The following ATP10A variants were observed in gnomAD, a reference collection of about 807,000 sequenced individuals.
ATP10A encodes phospholipid-transporting ATPase VA.
ATP10A carries 111 observed loss-of-function variants against 147.8 expected under a neutral mutation model. The ratio of observed to expected loss-of-function variants is 0.75; its 90% CI spans 0.64 to 0.88. The LOEUF is 0.88. ATP10A is among the 40% of genes least tolerant of loss of function. The pLI is 0.00. For synonymous variants in ATP10A, 875 were observed against 841.6 expected (o/e 1.04, Z -0.69); for missense variants, 1,927 against 1,959.0 (o/e 0.98, Z 0.31).
intron 1 of ATP10A, among the ~76,000 whole-genome samples, chr15:25,839,478 G>A (rs1054077740): frequency 4.8e-4 from 73 of 152,138 alleles, no homozygotes; most frequent in African/African-American, 1.6e-3. Context: ...GAGAGATGCC[G>A]TTGACCAAGA....
chr15:25,776,198 C>T (rs1889596790), intron 2 of ATP10A, among the ~76,000 whole-genome samples: 1 of 152,172 alleles, frequency 6.6e-6, no homozygotes, highest in Admixed American at 6.5e-5. Flanking sequence ...TACAAATGAA[C>T]TAGAAACTGC....
At chr15:25,796,043 C>T (rs1470819040) in intron 1 of ATP10A, among the ~76,000 whole-genome samples, 1 of 152,198 alleles carries the variant, frequency 6.6e-6, no homozygotes, top group East Asian at 1.9e-4. Flanking sequence ...GTACAGCCTG[C>T]AGAACCGTGA....
chr15:25,760,972 T>G lies in ATP10A; in HGVS notation c.654+20047A>C, dbSNP rs574287762. ...TTTGCAAAGACTTTTATATGAATTT[T>G]TATAGCACATTTATGTATCACAACC... On this transcript the variant is annotated intron_variant, in intron 2 of 20. Coordinates refer to ENST00000555815, the MANE Select transcript of ATP10A (RefSeq NM_024490.4). Among the ~76,000 whole-genome samples, 36 of 152,356 alleles carry G rather than the reference T, an allele frequency of 2.4e-4. 1 individual carries two copies. The South Asian group carries it at 5.2e-3, about 22-fold the overall frequency.
chr15:25,760,734 AC>A (rs1173462229), intron 2 of ATP10A, among the ~76,000 whole-genome samples: 1 of 152,156 alleles, frequency 6.6e-6, no homozygotes, highest in Non-Finnish European at 1.5e-5. Flanking sequence ...TAATGTCAGC[AC>A]TTTGGGAGAC....
chr15:25,817,143 T>C (rs983417453), intron 1 of ATP10A, among the ~76,000 whole-genome samples: 1 of 152,116 alleles, frequency 6.6e-6, no homozygotes, highest in Admixed American at 6.5e-5. Context: ...AGTACAATGG[T>C]GCAATCTTGG....
intron 1 of ATP10A, among the ~76,000 whole-genome samples, chr15:25,792,900 T>A (rs1449326837): frequency 7.1e-6 from 1 of 139,892 alleles, no homozygotes; most frequent in Non-Finnish European, 1.5e-5. Flanking sequence ...GATGGAGTTT[T>A]GCTCTCGTTC....
rs146281126 is a variant in ATP10A at position 25,756,809 on chromosome 15, T to A, written c.655-20668A>T. Among the ~76,000 whole-genome samples the A allele has an allele frequency of 1.1e-3, 161 of 152,322 alleles. 1 individual carries two copies. The East Asian group carries it at 0.014, about 14-fold the overall frequency. On this transcript the variant is annotated intron_variant, in intron 2 of 20. Coordinates refer to ENST00000555815, the MANE Select transcript of ATP10A (RefSeq NM_024490.4). ...TGCTGGTTTAATGAAAACAGTTGGG[T>A]CTTCTCATCAGCAAAATACCTGTGT...
intron 12 of ATP10A, among the ~76,000 whole-genome samples, chr15:25,705,797 G>A (rs762593288): frequency 3.3e-5 from 5 of 152,254 alleles, no homozygotes; most frequent in Non-Finnish European, 7.3e-5. Flanking sequence ...GGCGACGTGA[G>A]ATTCCTGAAC....
intron 2 of ATP10A, among the ~76,000 whole-genome samples, chr15:25,768,943 G>C (rs1204790810): frequency 6.6e-6 from 1 of 152,108 alleles, no homozygotes; most frequent in Non-Finnish European, 1.5e-5. Context: ...TGTCTTCCTT[G>C]AAGGAAATGC....
intron 2 of ATP10A, among the ~76,000 whole-genome samples, chr15:25,759,006 A>G (rs1157880353): frequency 6.6e-6 from 1 of 152,230 alleles, no homozygotes; most frequent in African/African-American, 2.4e-5. Flanking sequence ...CATTGGAAGT[A>G]GTTTAGCCTG....
chr15:25,675,803 G>A (rs951439909), downstream of ATP10A, among the ~76,000 whole-genome samples: 6 of 152,126 alleles, frequency 3.9e-5, no homozygotes, highest in Non-Finnish European at 5.9e-5. Flanking sequence ...AAAATTAGCC[G>A]GGCATGGTGG....
chr15:25,715,089 A>C (rs1901710840), intron 9 of ATP10A, among the ~76,000 whole-genome samples: 1 of 152,186 alleles, frequency 6.6e-6, no homozygotes, highest in Admixed American at 6.5e-5. Context: ...ATGTCAAAAC[A>C]ACCAAAATAC....
At chr15:25,830,497 CTTT>C in intron 1 of ATP10A, among the ~76,000 whole-genome samples, 1 of 152,324 alleles carries the variant, frequency 6.6e-6, no homozygotes, top group South Asian at 2.1e-4. Context: ...ACCTTCCTTC[CTTT>C]CCAAAGAAAA....
intron 5 of ATP10A, among the ~76,000 whole-genome samples, chr15:25,725,382 C>T (rs1267559954): frequency 6.6e-6 from 1 of 152,162 alleles, no homozygotes; most frequent in Admixed American, 6.5e-5. Flanking sequence ...TACTATTCCA[C>T]TTCATGTCAG....
At position 25,714,111 on chromosome 15, in the gene ATP10A, T is replaced by G; in HGVS notation, c.1907A>C (p.Lys636Thr). The change falls in exon 10 of 21, where the codon AAG (lysine) becomes ACG (threonine). Residue 636 changes from lysine (K) to threonine (T), a missense_variant. Coordinates refer to ENST00000555815, the MANE Select transcript of ATP10A (RefSeq NM_024490.4). ...GGTGGACGGGAAGCTGGAGCCCAAC[T>G]TGTGGCTGGACTTGTTGGCGGCCAG... ...GSLAANKSSH[K>T]LGSSFPSTPS... 1 of 1,613,332 alleles carries G rather than the reference T, an allele frequency of 6.2e-7. No homozygotes were observed. The highest frequency in any genetic ancestry group is 1.7e-5 in the Admixed American group (1 of 60,026).
At chr15:25,680,416 C>T in intron 19 of ATP10A, 108 bp from the exon 20 acceptor site, 1 of 1,193,212 alleles carries the variant, frequency 8.4e-7, no homozygotes, top group African/African-American at 1.5e-5. Context: ...GGTTCTGAGG[C>T]CTTCAGACAC....
At chr15:25,739,495 C>T (rs1271879695) in intron 2 of ATP10A, among the ~76,000 whole-genome samples, 7 of 152,106 alleles carry the variant, frequency 4.6e-5, no homozygotes, top group Non-Finnish European at 8.8e-5. Flanking sequence ...CTCGGATCTC[C>T]GGGGTCTCTG....
chr15:25,798,255 C>T (rs1256991299), intron 1 of ATP10A, among the ~76,000 whole-genome samples: 4 of 152,144 alleles, frequency 2.6e-5, no homozygotes, highest in Admixed American at 1.3e-4. Context: ...GGCGAATCAA[C>T]ACTCTGGAGG....
chr15:25,755,542 A>G (rs1402071247), intron 2 of ATP10A, among the ~76,000 whole-genome samples: 1 of 152,222 alleles, frequency 6.6e-6, no homozygotes, highest in African/African-American at 2.4e-5. Context: ...GTGACTCCGA[A>G]AACAACAGTT....
Sources: gnomAD v4.1 joint callset for allele counts (sites outside exome capture counted in the v4.1 genomes callset) on GRCh38, gnomAD v4.1.1 for gene constraint, MANE v1.5 for transcripts, NCBI Gene and HGNC (gene_info 2026-07-23, HGNC 2026-07-21) for gene names.